The following ARHGEF3 variants were observed in gnomAD, a reference collection of about 807,000 sequenced individuals.
ARHGEF3 encodes Rho guanine nucleotide exchange factor 3.
ARHGEF3 carries 28 observed loss-of-function variants against 63.2 expected under a neutral mutation model. The observed-to-expected ratio is 0.44, with a 90% CI of 0.33 to 0.61. ARHGEF3 has a LOEUF of 0.61. ARHGEF3 is among the 20% of genes least tolerant of loss of function. The pLI is 0.03. For synonymous variants in ARHGEF3, 266 were observed against 254.2 expected (o/e 1.05, Z -0.44); for missense variants, 533 against 659.3 (o/e 0.81, Z 2.10).
intron 2 of ARHGEF3, among the ~76,000 whole-genome samples, chr3:56,772,046 G>C (rs2107834374): frequency 6.6e-6 from 1 of 152,312 alleles, no homozygotes; most frequent in South Asian, 2.1e-4. Flanking sequence ...TTCTTCACTA[G>C]TTTCAAAGCC....
At chr3:56,988,742 G>A (rs1293342548) in intron 2 of ARHGEF3, among the ~76,000 whole-genome samples, 1 of 152,126 alleles carries the variant, frequency 6.6e-6, no homozygotes, top group Admixed American at 6.5e-5. Context: ...TGAAGCTCAC[G>A]AGTTTGGCAG....
intron 3 of ARHGEF3, among the ~76,000 whole-genome samples, chr3:56,917,094 C>T (rs1385863885): frequency 6.6e-6 from 1 of 152,136 alleles, no homozygotes; most frequent in East Asian, 1.9e-4. Flanking sequence ...CCAGAATGAA[C>T]ATCTTGCTCC....
intron 3 of ARHGEF3, among the ~76,000 whole-genome samples, chr3:56,943,524 G>T (rs1487146033): frequency 1.3e-5 from 2 of 152,212 alleles, no homozygotes; most frequent in Non-Finnish European, 2.9e-5. Context: ...GCTCTACAAG[G>T]AGATTAATGC....
chr3:57,026,126 G>A (rs765903784), intron 2 of ARHGEF3, among the ~76,000 whole-genome samples: 3 of 152,182 alleles, frequency 2.0e-5, no homozygotes, highest in South Asian at 2.1e-4. Flanking sequence ...GAGGCAGGAC[G>A]CAGTGGTTCA....
intron 2 of ARHGEF3, among the ~76,000 whole-genome samples, chr3:57,014,384 G>C (rs1038845788): frequency 6.6e-6 from 1 of 151,956 alleles, no homozygotes; most frequent in Admixed American, 6.6e-5. Flanking sequence ...TCCAAACCAC[G>C]CCCCTTCCAT....
intron 4 of ARHGEF3, among the ~76,000 whole-genome samples, chr3:56,847,167 C>A (rs1038500877): frequency 6.6e-6 from 1 of 152,222 alleles, no homozygotes; most frequent in Admixed American, 6.5e-5. Flanking sequence ...ACATTTTCAC[C>A]AAATCATAAA....
At chr3:56,874,628 A>G (rs1206953550) in intron 4 of ARHGEF3, among the ~76,000 whole-genome samples, 1 of 152,172 alleles carries the variant, frequency 6.6e-6, no homozygotes. Flanking sequence ...TGACAGGATA[A>G]ATAACTGGAG....
chr3:56,882,923 C>A (rs1283550704), intron 3 of ARHGEF3, among the ~76,000 whole-genome samples: 5 of 152,180 alleles, frequency 3.3e-5, no homozygotes, highest in African/African-American at 4.8e-5. Context: ...CAGTTTGTTT[C>A]TCTTTGAGTT....
At chr3:56,861,560 G>A (rs1476156609) in intron 4 of ARHGEF3, among the ~76,000 whole-genome samples, 1 of 152,176 alleles carries the variant, frequency 6.6e-6, no homozygotes, top group East Asian at 1.9e-4. Context: ...AGTTCCCTGA[G>A]CCCGGGATTT....
chr3:56,869,296 C>T (rs552579081), intron 4 of ARHGEF3, among the ~76,000 whole-genome samples: 3 of 152,158 alleles, frequency 2.0e-5, no homozygotes, highest in Non-Finnish European at 2.9e-5. Flanking sequence ...AAGATAAGCC[C>T]GTGATTTCGT....
chr3:57,035,646 G>C (rs978112396), intron 1 of ARHGEF3, among the ~76,000 whole-genome samples: 1 of 152,252 alleles, frequency 6.6e-6, no homozygotes, highest in African/African-American at 2.4e-5. Flanking sequence ...ACTGCGCTCC[G>C]CCAGGTACCA....
At position 57,074,591 on chromosome 3, in the gene ARHGEF3, G is replaced by A. The variant is rs1167950624; in HGVS notation, c.-28+4635C>T. ...TCAATCGATCAATCAATGAAAGAGT[G>A]GGAGGCATGCATCTCCTGATCCCCG... On this transcript the variant is annotated intron_variant, in intron 1 of 12. Transcript: ENST00000338458. 3 of 285,872 alleles carry A rather than the reference G, an allele frequency of 1.0e-5. No individual in the cohort carries two copies. The East Asian group carries it at 2.2e-4, about 21-fold the overall frequency. The allele number at this position is 285,872 out of a possible 1,614,324, so 17.7% of individuals were successfully genotyped here.
At chr3:56,819,484 T>TA (rs1426144107) in intron 4 of ARHGEF3, among the ~76,000 whole-genome samples, 1 of 151,830 alleles carries the variant, frequency 6.6e-6, no homozygotes, top group Non-Finnish European at 1.5e-5. Context: ...TACTACCACT[T>TA]AATTAACCAT....
chr3:56,907,037 A>T (rs1468324653), intron 3 of ARHGEF3, among the ~76,000 whole-genome samples: 1 of 129,454 alleles, frequency 7.7e-6, no homozygotes, highest in Non-Finnish European at 1.5e-5. Flanking sequence ...GCTGGAGTGC[A>T]ATGGCACAAT....
intron 2 of ARHGEF3, among the ~76,000 whole-genome samples, chr3:57,024,648 C>T (rs1386825454): frequency 2.4e-4 from 37 of 152,116 alleles, no homozygotes; most frequent in African/African-American, 7.2e-5. Context: ...CCACCACACC[C>T]GGCTAATTTT....
At chr3:56,747,542 A>C (rs917562748) in intron 6 of ARHGEF3, among the ~76,000 whole-genome samples, 4 of 152,228 alleles carry the variant, frequency 2.6e-5, no homozygotes, top group South Asian at 2.1e-4. Flanking sequence ...GTGAAAATGC[A>C]GTTAAAGAGA....
At chr3:56,903,087 CACAG>C (rs1328252215) in intron 3 of ARHGEF3, among the ~76,000 whole-genome samples, 8 of 143,188 alleles carry the variant, frequency 5.6e-5, no homozygotes, top group African/African-American at 1.6e-4. Context: ...CACACACACA[CACAG>C]AGAGAGAGAG....
intron 4 of ARHGEF3, among the ~76,000 whole-genome samples, chr3:56,835,444 G>T (rs1292449625): frequency 6.6e-6 from 1 of 152,078 alleles, no homozygotes; most frequent in Non-Finnish European, 1.5e-5. Flanking sequence ...CCAAAGTGCT[G>T]GGATTACAGG....
intron 2 of ARHGEF3, among the ~76,000 whole-genome samples, chr3:56,967,916 AT>A (rs1700653322): frequency 1.4e-5 from 1 of 69,672 alleles, no homozygotes; most frequent in Non-Finnish European, 2.4e-5. Context: ...ATTATATATA[AT>A]ATATTATATA....
Sources: allele counts gnomAD v4.1 joint callset (sites outside exome capture counted in the v4.1 genomes callset), GRCh38; gene constraint gnomAD v4.1.1; transcripts MANE v1.5; gene names NCBI Gene and HGNC (gene_info 2026-07-23, HGNC 2026-07-21).